Variants in ZNF480 observed in about 807,000 individuals in gnomAD.
The protein encoded by ZNF480 is zinc finger protein 480.
ZNF480 carries 15 observed loss-of-function variants against 14.4 expected under a neutral mutation model. The ratio of observed to expected loss-of-function variants is 1.04; its 90% CI spans 0.70 to 1.60. ZNF480 has a LOEUF of 1.60. ZNF480 is among the 40% of genes most tolerant of loss of function. The probability of loss-of-function intolerance (pLI) is 0.00; values close to 1 mark genes in which losing one functional copy is unlikely to be tolerated. For missense variants in ZNF480, 593 were observed against 629.7 expected, an observed-to-expected ratio of 0.94 and a Z score of 0.62; for synonymous variants, 218 against 215.5, an observed-to-expected ratio of 1.01 and a Z score of -0.10.
In ZNF480 at chr19:52,316,641, T is replaced by A. The variant is rs150073713; in HGVS notation, c.328+679T>A. On this transcript the variant is annotated intron_variant, in intron 4 of 4. Coordinates refer to ENST00000595962, the MANE Select transcript of ZNF480 (RefSeq NM_144684.4). ...GTACTCTGATTACCGGCATGAGCCATGATGCCTAGTCTTATTTTTTTATTT... is the reference window on the plus strand; with the variant it reads ...GTACTCTGATTACCGGCATGAGCCAAGATGCCTAGTCTTATTTTTTTATTT... Among the ~76,000 whole-genome samples the A allele has an allele frequency of 6.3e-3, 963 of 152,156 alleles. 9 individuals carry two copies. The highest frequency in any genetic ancestry group is 0.031 in the South Asian group (147 of 4,810).
In ZNF480 at chr19:52,324,384, G is replaced by C. The variant is rs1020908468; in HGVS notation, c.*1526G>C. 8 of 152,168 alleles carry C rather than the reference G, an allele frequency of 5.3e-5. No homozygotes were observed. The highest frequency in any genetic ancestry group is 4.6e-4 in the Admixed American group (7 of 15,268). The allele number at this position is 152,168 out of a possible 1,614,324, so 9.4% of individuals were successfully genotyped here. ...GCCCAAAGCAATTTACAGAGCCAAT[G>C]CTATTTCTATCAAACTACCAATGGC... is the stretch of plus-strand genomic sequence containing the variant. On this transcript the variant is annotated 3_prime_UTR_variant, in exon 5 of 5. Coordinates refer to ENST00000595962, the MANE Select transcript of ZNF480 (RefSeq NM_144684.4).
intron 2 of ZNF480, among the ~76,000 whole-genome samples, chr19:52,308,084 C>G (rs1379023697): frequency 6.6e-6 from 1 of 152,024 alleles, no homozygotes; most frequent in Non-Finnish European, 1.5e-5. Context: ...GGGCATGGTT[C>G]TGGGAAGGGC....
chr19:52,325,386 G>A lies in ZNF480; in HGVS notation c.*2528G>A. ...GCAGCGATTTCTCAAAGACATAAAA[G>A]AACATAGCATTCAACCCAGCATCCC... On this transcript the variant is annotated 3_prime_UTR_variant, in exon 5 of 5. Transcript: ENST00000595962. 1 of 152,174 alleles carries A rather than the reference G, an allele frequency of 6.6e-6. No individual in the cohort carries two copies. Among genetic ancestry groups the A allele is most frequent in the East Asian group, 1.9e-4 (1 of 5,190 alleles). 9.4% of individuals were successfully genotyped at this position (152,174 alleles called of 1,614,324 possible).
At chr19:52,306,057 C>T (rs1448753858) in intron 2 of ZNF480, among the ~76,000 whole-genome samples, 1 of 152,136 alleles carries the variant, frequency 6.6e-6, no homozygotes, top group African/African-American at 2.4e-5. Flanking sequence ...ACTTTCAGTC[C>T]TGCCATTGCC....
At chr19:52,308,315 T>C (rs868295713) in intron 2 of ZNF480, among the ~76,000 whole-genome samples, 150 of 149,538 alleles carry the variant, frequency 1.0e-3, no homozygotes, top group Middle Eastern at 3.4e-3. Context: ...TTCTTTTTTT[T>C]TTTTTTTTTG....
chr19:52,322,639 A>G lies in ZNF480; in HGVS notation c.1389A>G (p.Ala463=). Residue 463 remains alanine (A), a synonymous_variant, in exon 5 of 5, where the codon GCA becomes GCG. Transcript: ENST00000595962. The part of the protein sequence containing the change: ...KPYKCSECGK[A]FRHKLSLTNH... The stretch of plus-strand genomic sequence containing the variant: ...ACAAATGTAGTGAATGTGGCAAGGC[A>G]TTCAGACACAAGTTATCACTAACCA... The G allele has an allele frequency of 6.2e-7, 1 of 1,613,974 alleles. No homozygotes were observed. The highest frequency in any genetic ancestry group is 8.5e-7 in the Non-Finnish European group (1 of 1,179,950).
At chr19:52,298,619 A>G (rs1008162986) in intron 1 of ZNF480, among the ~76,000 whole-genome samples, 5 of 151,864 alleles carry the variant, frequency 3.3e-5, no homozygotes, top group Non-Finnish European at 5.9e-5. Context: ...CGACAAGAGC[A>G]AAACTCCGTC....
chr19:52,317,959 C>G (rs1983635981), intron 4 of ZNF480, among the ~76,000 whole-genome samples: 1 of 151,992 alleles, frequency 6.6e-6, no homozygotes. Flanking sequence ...ATTTGCATTT[C>G]TCTCTAATGA....
chr19:52,314,805 A>C (rs957221421), intron 3 of ZNF480, among the ~76,000 whole-genome samples: 1 of 151,070 alleles, frequency 6.6e-6, no homozygotes, highest in South Asian at 2.1e-4. Flanking sequence ...ACTCCGTCTC[A>C]TTAAAAAAAC....
intron 3 of ZNF480, among the ~76,000 whole-genome samples, chr19:52,315,568 G>A (rs1215959679): frequency 4.6e-5 from 7 of 151,676 alleles, no homozygotes; most frequent in African/African-American, 1.5e-4. Context: ...TGATCCACCC[G>A]TCTCGGCCTC....
intron 2 of ZNF480, among the ~76,000 whole-genome samples, chr19:52,302,614 C>A (rs1221801254): frequency 6.6e-6 from 1 of 151,936 alleles, no homozygotes; most frequent in Non-Finnish European, 1.5e-5. Flanking sequence ...GTAGCCTAAA[C>A]AAAGTGAGAA....
At chr19:52,316,241 A>G (rs966103950) in intron 4 of ZNF480, among the ~76,000 whole-genome samples, 22 of 65,702 alleles carry the variant, frequency 3.3e-4, no homozygotes, top group Non-Finnish European at 7.9e-4. Context: ...CCTTTCCTTT[A>G]TTTGAGATGG....
rs1983842588 is a variant in ZNF480 at position 52,321,970 on chromosome 19, T to C, written c.720T>C (p.Phe240=). Reference sequence around the variant, plus strand: ...AATGTAATTCATGCGGCAAGGTCTTTAGTCGCAATTCACACCTTGCAGAAC... The same window carrying C: ...AATGTAATTCATGCGGCAAGGTCTTCAGTCGCAATTCACACCTTGCAGAAC... ...PYKCNSCGKV[F]SRNSHLAEHC... Residue 240 remains phenylalanine, a synonymous_variant, in exon 5 of 5, where the codon TTT becomes TTC. Coordinates refer to ENST00000595962, the MANE Select transcript of ZNF480 (RefSeq NM_144684.4). 3.7e-6 allele frequency: 6 copies of C among 1,612,314 alleles called. No homozygotes were observed. In the East Asian group the frequency reaches 8.9e-5, roughly 24 times the overall value.
Position 52,325,099 on chromosome 19 carries a change from A to G in ZNF480, c.*2241A>G, listed in dbSNP as rs1186671716. 1 of 152,268 alleles carries G rather than the reference A, an allele frequency of 6.6e-6. No individual in the cohort carries two copies. Among genetic ancestry groups the G allele is most frequent in the Non-Finnish European group, 1.5e-5 (1 of 68,046 alleles). 9.4% of individuals were successfully genotyped at this position (152,268 alleles called of 1,614,324 possible). ...AAACAACCCCATTAAAAACTGGGCA[A>G]AGGCCATGAATAGACCTTTCTCAAA... On this transcript the variant is annotated 3_prime_UTR_variant, in exon 5 of 5. Coordinates refer to ENST00000595962, the MANE Select transcript of ZNF480 (RefSeq NM_144684.4).
intron 4 of ZNF480, among the ~76,000 whole-genome samples, chr19:52,319,817 T>C (rs1052556940): frequency 1.0e-5 from 1 of 99,270 alleles, no homozygotes; most frequent in African/African-American, 3.3e-5. Context: ...CTGTGTTTTT[T>C]TTTTTTTTTT....
intron 4 of ZNF480, among the ~76,000 whole-genome samples, chr19:52,317,994 T>C (rs1055415100): frequency 6.6e-6 from 1 of 152,156 alleles, no homozygotes; most frequent in Non-Finnish European, 1.5e-5. Flanking sequence ...CATTTTCTTA[T>C]ATGGTCGTAT....
In ZNF480 at chr19:52,299,755, A is replaced by G. The variant is rs113287024; in HGVS notation, c.-19-639A>G. Among the ~76,000 whole-genome samples the G allele has an allele frequency of 6.7e-3, 1,026 of 152,014 alleles. 15 individuals are homozygous for G. Among genetic ancestry groups the G allele is most frequent in the East Asian group, 0.04 (209 of 5,162 alleles). ...GTTGCCCAGGCTGGAGTGCAATGGC[A>G]TGATCTCAGCTCACTGCAACATCCA... On this transcript the variant is annotated intron_variant, in intron 1 of 4. Transcript: ENST00000595962.
intron 2 of ZNF480, among the ~76,000 whole-genome samples, chr19:52,311,473 A>G (rs2122538403): frequency 6.6e-6 from 1 of 152,274 alleles, no homozygotes; most frequent in Non-Finnish European, 1.5e-5. Flanking sequence ...CACCATGCCC[A>G]GCCTACATTT....
chr19:52,313,240 G>A (rs1169797382), intron 2 of ZNF480, among the ~76,000 whole-genome samples: 2 of 148,416 alleles, frequency 1.3e-5, no homozygotes, highest in Non-Finnish European at 3.0e-5. Context: ...TGGTTCAAGT[G>A]ATTCTTCTGC....
Sources: gnomAD v4.1 joint callset for allele counts (sites outside exome capture counted in the v4.1 genomes callset) on GRCh38, gnomAD v4.1.1 for gene constraint, MANE v1.5 for transcripts, NCBI Gene and HGNC (gene_info 2026-07-23, HGNC 2026-07-21) for gene names.